Variants in GSDME observed in about 807,000 individuals in gnomAD.
The protein encoded by GSDME is gasdermin-E.
In GSDME, 44 loss-of-function variants were observed where a neutral mutation model predicts 47.5. The ratio of observed to expected loss-of-function variants is 0.93; its 90% CI spans 0.73 to 1.19. The LOEUF (loss-of-function observed/expected upper bound fraction) is 1.19. GSDME is among the 50% of genes most tolerant of loss of function. The pLI, the probability that GSDME is intolerant of heterozygous loss-of-function variation, is 0.00. For missense variants in GSDME, 663 were observed against 604.2 expected, an observed-to-expected ratio of 1.10 and a Z score of -1.02; for synonymous variants, 258 against 252.8, an observed-to-expected ratio of 1.02 and a Z score of -0.20.
the GSDME span, among the ~76,000 whole-genome samples, chr7:24,778,490 G>A: frequency 2.0e-4 from 30 of 152,328 alleles, 1 homozygote; most frequent in South Asian, 1.9e-3. This position sits in a 1 kb window ranked among gnomAD's most constrained non-coding sequence, Gnocchi z 5.6. Context: ...CCTTGTCCCA[G>A]TTTGTCCAAG....
At chr7:24,775,612 A>G in the GSDME span, among the ~76,000 whole-genome samples, 1 of 152,116 alleles carries the variant, frequency 6.6e-6, no homozygotes, top group Non-Finnish European at 1.5e-5. Context: ...CACGCCTGTA[A>G]TCCCAGCACT....
intron 3 of GSDME, among the ~76,000 whole-genome samples, chr7:24,729,481 C>G (rs1286327076): frequency 6.6e-6 from 1 of 152,234 alleles, no homozygotes; most frequent in African/African-American, 2.4e-5. Flanking sequence ...CAGGCAACTT[C>G]CGACACACTT....
chr7:24,792,413 T>G, the GSDME span, among the ~76,000 whole-genome samples: 3 of 152,174 alleles, frequency 2.0e-5, no homozygotes, highest in Non-Finnish European at 4.4e-5. Flanking sequence ...ATGGTCCTAA[T>G]TTACTAATGC....
Position 24,702,752 on chromosome 7 carries a change from T to C in GSDME, c.1257+8A>G, listed in dbSNP as rs867219528. On this transcript the variant is annotated splice_region_variant and intron_variant, in intron 9 of 9. Coordinates refer to ENST00000645220, the MANE Select transcript of GSDME (RefSeq NM_001127453.2). ...CCATTCTAAGGTCCCACCTGGGAGGTTGCTTACCAAGTGGCACAGTGTGGG... is the reference window on the plus strand; with the variant it reads ...CCATTCTAAGGTCCCACCTGGGAGGCTGCTTACCAAGTGGCACAGTGTGGG... 7 of 1,612,184 alleles carry C rather than the reference T, an allele frequency of 4.3e-6. No homozygotes were observed. The highest frequency in any genetic ancestry group is 5.9e-6 in the Non-Finnish European group (7 of 1,178,726).
In GSDME at chr7:24,726,568, T is replaced by A. The variant is rs6957239; in HGVS notation, c.405-7350A>T. On this transcript the variant is annotated intron_variant, in intron 3 of 9. Coordinates refer to ENST00000645220, the MANE Select transcript of GSDME (RefSeq NM_001127453.2). The surrounding 1 kb of genome is among the most constrained non-coding windows in gnomAD (Gnocchi z 5.6). ...GCCGGGCGCGGTGGCTCACGCCTGT[T>A]ATCCCAGCACTTTGGGAGGCCGAGG... 0.047 allele frequency among the ~76,000 whole-genome samples: 7,200 copies of A among 152,206 alleles called. 188 individuals carry two copies. The highest frequency in any genetic ancestry group is 0.057 in the Non-Finnish European group (3,900 of 67,988).
In GSDME at chr7:24,749,697, A is replaced by C. The variant is rs773824667; in HGVS notation, c.78T>G (p.Asn26Lys). The change falls in exon 2 of 10, where the codon AAT becomes AAG. Residue 26 changes from asparagine to lysine, a missense_variant. Coordinates refer to ENST00000645220, the MANE Select transcript of GSDME (RefSeq NM_001127453.2). ...TTAGAAGCTGTAACTTATCAGAGTC[A>C]TTCAGATTTGATACTGCAATCAGGT... ...DGDLIAVSNL[N>K]DSDKLQLLSL... 2 of 1,614,092 alleles carry C rather than the reference A, an allele frequency of 1.2e-6. No homozygotes were observed. The highest frequency in any genetic ancestry group is 1.7e-5 in the Admixed American group (1 of 60,028).
intron 8 of GSDME, 31 bp from the exon 9 acceptor site, chr7:24,702,864 C>T (rs1554321826): frequency 1.9e-6 from 3 of 1,598,292 alleles, no homozygotes; most frequent in East Asian, 2.2e-5. Flanking sequence ...AGTCACAGTC[C>T]AAAAAAACAA....
chr7:24,714,876 G>A lies in GSDME; in HGVS notation c.697+2378C>T, dbSNP rs1180388587. Among the ~76,000 whole-genome samples the A allele has an allele frequency of 6.6e-6, 1 of 152,200 alleles. No homozygotes were observed. ...CGAAGGGTCCGCAGAGCACTCCTGG[G>A]CATCCTCAGGTGCATGCCAAGATTT... On this transcript the variant is annotated intron_variant, in intron 5 of 9. Transcript: ENST00000645220. This position sits in a 1 kb window ranked among gnomAD's most constrained non-coding sequence, Gnocchi z 5.0.
At chr7:24,795,212 A>G in the GSDME span, among the ~76,000 whole-genome samples, 1 of 152,168 alleles carries the variant, frequency 6.6e-6, no homozygotes, top group Admixed American at 6.5e-5. Context: ...GCAATTACCC[A>G]GCTGAAAGCA....
chr7:24,744,904 G>C lies in GSDME; in HGVS notation c.212-150C>G. On this transcript the variant is annotated intron_variant, in intron 2 of 9. Coordinates refer to ENST00000645220, the MANE Select transcript of GSDME (RefSeq NM_001127453.2). The surrounding 1 kb of genome is among the most constrained non-coding windows in gnomAD (Gnocchi z 4.5). ...GCCGGCAGCCATGCTGTGTGTGTGG[G>C]CAAGAAAACAGGGCAGCACGTGTGT... 1 of 826,912 alleles carries C rather than the reference G, an allele frequency of 1.2e-6. No homozygotes were observed. Among genetic ancestry groups the C allele is most frequent in the East Asian group, 2.7e-5 (1 of 37,206 alleles). 51.2% of individuals were successfully genotyped at this position (826,912 alleles called of 1,614,324 possible). A position where few individuals can be genotyped will look rare whatever the true frequency, so the allele number is the denominator to read the frequency against.
chr7:24,771,245 A>G, the GSDME span, among the ~76,000 whole-genome samples: 1,129 of 152,340 alleles, frequency 7.4e-3, 11 homozygotes, highest in African/African-American at 0.026. The surrounding 1 kb of genome is among the most constrained non-coding windows in gnomAD (Gnocchi z 4.1). Flanking sequence ...AATTTTTGAT[A>G]TAGTGGTCAA....
At chr7:24,701,737 C>T (rs1212007121) in intron 9 of GSDME, among the ~76,000 whole-genome samples, 2 of 152,230 alleles carry the variant, frequency 1.3e-5, no homozygotes, top group Admixed American at 6.5e-5. Context: ...CATGCTGGCA[C>T]ATTTTCAAGT....
At chr7:24,717,903 C>T (rs1789629830) in intron 4 of GSDME, among the ~76,000 whole-genome samples, 1 of 152,166 alleles carries the variant, frequency 6.6e-6, no homozygotes, top group South Asian at 2.1e-4. Flanking sequence ...AGTCAGGCAC[C>T]AAGCTCCTGC....
chr7:24,730,631 A>G (rs1038683750), intron 3 of GSDME, among the ~76,000 whole-genome samples: 3 of 152,108 alleles, frequency 2.0e-5, no homozygotes, highest in Admixed American at 1.3e-4. Context: ...CCTGGCCAAT[A>G]TGGTGAAACC....
intron 9 of GSDME, among the ~76,000 whole-genome samples, chr7:24,701,018 A>C (rs1788843242): frequency 1.3e-5 from 2 of 152,096 alleles, no homozygotes; most frequent in African/African-American, 4.8e-5. Context: ...TCACCCTTTC[A>C]CCAGTTCTTG....
intron 9 of GSDME, chr7:24,702,316 G>A (rs913960071): frequency 1.6e-5 from 4 of 256,798 alleles, no homozygotes; most frequent in African/African-American, 6.7e-5. Context: ...GAAAGTGGAT[G>A]AAAGAAGCTA....
rs1020943972 is a variant in GSDME at position 24,726,459 on chromosome 7, T to C, written c.405-7241A>G. On this transcript the variant is annotated intron_variant, in intron 3 of 9. Transcript: ENST00000645220. This position sits in a 1 kb window ranked among gnomAD's most constrained non-coding sequence, Gnocchi z 5.6. ...GCTATGCTCCAGGCACCAGGCCAGA[T>C]GCAAGTTTCTCAGGGAAGAGGCCAA... 6.6e-6 allele frequency among the ~76,000 whole-genome samples: 1 copy of C among 152,116 alleles called. No homozygotes were observed. The highest frequency in any genetic ancestry group is 1.5e-5 in the Non-Finnish European group (1 of 67,998).
At chr7:24,708,009 G>C in intron 7 of GSDME, 118 bp downstream of exon 7, 4 of 1,311,384 alleles carry the variant, frequency 3.1e-6, no homozygotes, top group South Asian at 2.7e-5. Flanking sequence ...AGTCAGAAAA[G>C]AGACAGCTGT....
intron 3 of GSDME, among the ~76,000 whole-genome samples, chr7:24,723,258 T>C (rs930286592): frequency 1.3e-5 from 2 of 152,122 alleles, no homozygotes; most frequent in Admixed American, 6.5e-5. Flanking sequence ...AAAAGCAATC[T>C]CGGGAGGGAA....
Sources: gnomAD v4.1 joint callset for allele counts (sites outside exome capture counted in the v4.1 genomes callset) on GRCh38, gnomAD v4.1.1 for gene constraint, Gnocchi (gnomAD v3.1) non-coding constraint, MANE v1.5 for transcripts, NCBI Gene and HGNC (gene_info 2026-07-23, HGNC 2026-07-21) for gene names.